The following TMEM132B variants were observed in gnomAD, a reference collection of about 807,000 sequenced individuals.
TMEM132B encodes transmembrane protein 132B.
In TMEM132B, 18 loss-of-function variants were observed where a neutral mutation model predicts 90.8. The ratio of observed to expected loss-of-function variants is 0.20; its 90% CI spans 0.14 to 0.29. The LOEUF is 0.29. TMEM132B is among the 10% of genes least tolerant of loss of function. TMEM132B has a pLI of 1.00. For synonymous variants in TMEM132B, 504 were observed against 523.3 expected (o/e 0.96, Z 0.50); for missense variants, 1,096 against 1,326.8 (o/e 0.83, Z 2.70).
intron 1 of TMEM132B, among the ~76,000 whole-genome samples, chr12:125,295,591 C>A (rs948056277): frequency 1.3e-5 from 2 of 151,728 alleles, no homozygotes; most frequent in Non-Finnish European, 2.9e-5. Context: ...GTGTCTGGGG[C>A]AGGCTGCTTT....
chr12:125,653,686 A>T lies in TMEM132B; in HGVS notation c.2228A>T (p.Gln743Leu). 1.9e-6 allele frequency: 3 copies of T among 1,614,194 alleles called. No homozygotes were observed. The highest frequency in any genetic ancestry group is 2.5e-6 in the Non-Finnish European group (3 of 1,180,028). The change falls in exon 9 of 9, where the codon CAG becomes CTG. Residue 743 changes from glutamine to leucine, a missense_variant. Transcript: ENST00000682704. ...SSLDEMVVSV[Q>L]ANLESKWPIV... The stretch of plus-strand genomic sequence containing the variant: ...TTGGATGAAATGGTGGTGTCTGTCC[A>T]GGCAAACCTTGAGTCCAAATGGCCA...
At chr12:125,506,698 G>A (rs1187866103) in intron 3 of TMEM132B, among the ~76,000 whole-genome samples, 1 of 152,150 alleles carries the variant, frequency 6.6e-6, no homozygotes, top group Non-Finnish European at 1.5e-5. Flanking sequence ...AAAGGTTTGA[G>A]AGATAGAAGT....
At chr12:125,565,645 A>T (rs974038721) in intron 4 of TMEM132B, among the ~76,000 whole-genome samples, 2 of 152,184 alleles carry the variant, frequency 1.3e-5, no homozygotes, top group Non-Finnish European at 2.9e-5. Context: ...AGATCTTCCC[A>T]TGGAGTTTGG....
chr12:125,391,039 TAGTGTGTGTGTGTGTGTG>T lies in TMEM132B; in HGVS notation c.960-24491_960-24474del, dbSNP rs1442685900. ...GGATTAAAACAGATTTACTAAAGAA[TAGTGTGTGTGTGTGTGTG>T]TGTGTGTGTGTGTGTGTCTCACTAT... is the stretch of plus-strand genomic sequence containing the variant. On this transcript the variant is annotated intron_variant, in intron 2 of 8. Coordinates refer to ENST00000682704, the MANE Select transcript of TMEM132B (RefSeq NM_001366854.1). 1.3e-4 allele frequency among the ~76,000 whole-genome samples: 19 copies of T among 143,638 alleles called. No homozygotes were observed. The South Asian group carries it at 3.9e-3, about 29-fold the overall frequency. 94.2% of individuals were successfully genotyped at this position (143,638 alleles called of 152,430 possible).
chr12:125,513,019 G>A (rs554584221), intron 3 of TMEM132B, among the ~76,000 whole-genome samples: 9 of 152,304 alleles, frequency 5.9e-5, no homozygotes, highest in Non-Finnish European at 1.3e-4. Context: ...GGGACCCCAC[G>A]CAGTGGGGCT....
At chr12:125,199,002 G>A (rs1336012956) in intron 1 of TMEM132B, among the ~76,000 whole-genome samples, 1 of 152,250 alleles carries the variant, frequency 6.6e-6, no homozygotes, top group Non-Finnish European at 1.5e-5. Context: ...ATGGATTAGA[G>A]TAGCATCTGG....
At chr12:125,278,432 T>G (rs1222370065) in intron 1 of TMEM132B, among the ~76,000 whole-genome samples, 2 of 151,874 alleles carry the variant, frequency 1.3e-5, no homozygotes, top group Non-Finnish European at 2.9e-5. Flanking sequence ...AAAATTTAAC[T>G]GTCAATCAAG....
chr12:125,478,587 G>A (rs879791535), intron 3 of TMEM132B, among the ~76,000 whole-genome samples: 1 of 152,164 alleles, frequency 6.6e-6, no homozygotes. Flanking sequence ...AATGAACAAA[G>A]CCTCCAAGAA....
intron 1 of TMEM132B, among the ~76,000 whole-genome samples, chr12:125,322,933 C>T (rs1246239370): frequency 2.0e-5 from 3 of 151,820 alleles, no homozygotes; most frequent in Non-Finnish European, 4.4e-5. Context: ...TTTGCTTTGC[C>T]TTCATAGACA....
At chr12:125,563,323 A>G (rs905400607) in intron 4 of TMEM132B, among the ~76,000 whole-genome samples, 3 of 152,150 alleles carry the variant, frequency 2.0e-5, no homozygotes, top group African/African-American at 7.2e-5. Context: ...AGAACGCAGT[A>G]TCTGGCCGGG....
chr12:125,187,408 A>C (rs1009547841), intron 1 of TMEM132B, among the ~76,000 whole-genome samples: 1 of 152,044 alleles, frequency 6.6e-6, no homozygotes, highest in Non-Finnish European at 1.5e-5. Context: ...GCCCTCCCCA[A>C]GCTACCCACC....
intron 4 of TMEM132B, among the ~76,000 whole-genome samples, chr12:125,569,002 C>T (rs11058248): frequency 0.11 from 16,979 of 152,068 alleles, 1,238 homozygotes; most frequent in African/African-American, 0.21. Flanking sequence ...TGGGGTTGGG[C>T]GAGTCCCAGC....
chr12:125,515,433 A>AGACT (rs1883107198), intron 3 of TMEM132B, among the ~76,000 whole-genome samples: 1 of 151,248 alleles, frequency 6.6e-6, no homozygotes, highest in African/African-American at 2.4e-5. Flanking sequence ...ACACTCTCAC[A>AGACT]CATACACACA....
At chr12:125,380,966 A>G (rs1878663392) in intron 2 of TMEM132B, among the ~76,000 whole-genome samples, 1 of 152,102 alleles carries the variant, frequency 6.6e-6, no homozygotes, top group Non-Finnish European at 1.5e-5. Context: ...CCCTGGATTA[A>G]TTTTCCTGTT....
At chr12:125,374,722 TC>T (rs1461558735) in intron 2 of TMEM132B, among the ~76,000 whole-genome samples, 1 of 151,844 alleles carries the variant, frequency 6.6e-6, no homozygotes, top group Admixed American at 6.6e-5. Flanking sequence ...TCAACTTGTA[TC>T]CCTTGGTGCT....
At chr12:125,236,883 T>C (rs907617100) in intron 1 of TMEM132B, among the ~76,000 whole-genome samples, 5 of 152,194 alleles carry the variant, frequency 3.3e-5, no homozygotes, top group Admixed American at 6.5e-5. Flanking sequence ...AGACAAAGAT[T>C]TGGGTACCTG....
intron 3 of TMEM132B, among the ~76,000 whole-genome samples, chr12:125,456,636 G>C (rs1334663870): frequency 6.6e-6 from 1 of 152,166 alleles, no homozygotes; most frequent in Non-Finnish European, 1.5e-5. Context: ...GGTTCCTTCT[G>C]AGACCTGGGC....
chr12:125,233,759 G>A lies in TMEM132B; in HGVS notation c.67+46893G>A, dbSNP rs75103753. On this transcript the variant is annotated intron_variant, in intron 1 of 8. Coordinates refer to ENST00000682704, the MANE Select transcript of TMEM132B (RefSeq NM_001366854.1). ...GGGGCTTCTCCCTTTGATTGGGCTC[G>A]TGGATGCAGAGCTTCTCAGCCACTG... 5.1e-3 allele frequency among the ~76,000 whole-genome samples: 780 copies of A among 152,264 alleles called. 7 individuals are homozygous for A. Among genetic ancestry groups the A allele is most frequent in the African/African-American group, 0.017 (725 of 41,548 alleles).
intron 4 of TMEM132B, among the ~76,000 whole-genome samples, chr12:125,544,298 A>G (rs1012597541): frequency 6.6e-6 from 1 of 152,220 alleles, no homozygotes; most frequent in Non-Finnish European, 1.5e-5. Flanking sequence ...ACATTTACCT[A>G]TGTAACAAAC....
Sources: allele counts gnomAD v4.1 joint callset (sites outside exome capture counted in the v4.1 genomes callset), GRCh38; gene constraint gnomAD v4.1.1; transcripts MANE v1.5; gene names NCBI Gene and HGNC (gene_info 2026-07-23, HGNC 2026-07-21).